HDAC9: variants seen among roughly 807,000 people sequenced by gnomAD.
HDAC9 encodes MEF-2 interacting transcription repressor (MITR) protein.
In HDAC9, 41 loss-of-function variants were observed where a neutral mutation model predicts 139.4. The ratio of observed to expected loss-of-function variants is 0.29; its 90% CI spans 0.23 to 0.38. The LOEUF is 0.38. Among genes scored for constraint, HDAC9 ranks in the 10% least tolerant of loss-of-function variants. HDAC9 has a pLI of 1.00. For synonymous variants in HDAC9, 517 were observed against 476.2 expected, an observed-to-expected ratio of 1.09 and a Z score of -1.12; for missense variants, 1,147 against 1,297.0, an observed-to-expected ratio of 0.88 and a Z score of 1.78.
At chr7:18,729,222 A>G (rs976930190) in intron 13 of HDAC9, among the ~76,000 whole-genome samples, 5 of 152,210 alleles carry the variant, frequency 3.3e-5, no homozygotes, top group African/African-American at 1.2e-4. Flanking sequence ...ATTTCAGAAA[A>G]TACAGAGTAA....
intron 11 of HDAC9, among the ~76,000 whole-genome samples, chr7:18,661,082 G>A (rs765194126): frequency 2.6e-5 from 4 of 152,140 alleles, no homozygotes; most frequent in Non-Finnish European, 5.9e-5. Flanking sequence ...GGGTAGTTTA[G>A]GGTGAAAATG....
At chr7:18,926,323 G>C (rs975554489) in intron 22 of HDAC9, among the ~76,000 whole-genome samples, 5 of 152,122 alleles carry the variant, frequency 3.3e-5, no homozygotes, top group Admixed American at 2.6e-4. Context: ...CTCCAGCCTG[G>C]ATGACAGAGT....
intron 12 of HDAC9, among the ~76,000 whole-genome samples, chr7:18,719,097 G>A (rs1005277757): frequency 1.3e-5 from 2 of 151,810 alleles, no homozygotes; most frequent in African/African-American, 4.8e-5. Flanking sequence ...TTTTAAATTG[G>A]GTTGCCTGTT....
At chr7:18,463,298 C>T (rs923914785) in intron 1 of HDAC9, among the ~76,000 whole-genome samples, 5 of 151,874 alleles carry the variant, frequency 3.3e-5, no homozygotes, top group Admixed American at 6.6e-5. Context: ...TCTGGAAGAA[C>T]GTGGTGTTAT....
At chr7:18,514,296 T>C (rs1256409432) in intron 2 of HDAC9, among the ~76,000 whole-genome samples, 1 of 152,262 alleles carries the variant, frequency 6.6e-6, no homozygotes, top group Non-Finnish European at 1.5e-5. Context: ...AAATTTCTTA[T>C]AGCTTAGAAC....
At chr7:18,668,090 A>G (rs1795326418) in intron 12 of HDAC9, 3 of 961,748 alleles carry the variant, frequency 3.1e-6, no homozygotes, top group Non-Finnish European at 3.7e-6. Flanking sequence ...TGTTGTTTAC[A>G]TTTTGCTGTG....
chr7:18,452,554 T>C (rs1433167238), intron 1 of HDAC9, among the ~76,000 whole-genome samples: 2 of 152,182 alleles, frequency 1.3e-5, no homozygotes, highest in Non-Finnish European at 2.9e-5. Flanking sequence ...TGCATCAATA[T>C]ATAATTGATA....
At chr7:18,910,562 G>A (rs555974211) in intron 22 of HDAC9, among the ~76,000 whole-genome samples, 6 of 152,044 alleles carry the variant, frequency 3.9e-5, no homozygotes, top group South Asian at 4.2e-4. Context: ...GCTCTGACTC[G>A]GACTTCTAGT....
intron 8 of HDAC9, among the ~76,000 whole-genome samples, chr7:18,638,716 C>T (rs1784647018): frequency 1.3e-5 from 2 of 152,092 alleles, no homozygotes; most frequent in Non-Finnish European, 2.9e-5. Context: ...TGTCTTCAAG[C>T]CAGCAGCTCT....
chr7:18,098,139 A>G (rs1355917035), intron 1 of HDAC9, among the ~76,000 whole-genome samples: 1 of 152,240 alleles, frequency 6.6e-6, no homozygotes, highest in Non-Finnish European at 1.5e-5. Flanking sequence ...CCATCATGAC[A>G]AGTTTCACTG....
chr7:18,682,971 ACT>A (rs1781994719), intron 12 of HDAC9, among the ~76,000 whole-genome samples: 2 of 151,794 alleles, frequency 1.3e-5, no homozygotes, highest in Admixed American at 6.6e-5. Context: ...ATAGAGGGAG[ACT>A]CTGCCTCAAC....
chr7:18,266,485 A>G (rs1796011452), intron 2 of HDAC9, among the ~76,000 whole-genome samples: 1 of 152,158 alleles, frequency 6.6e-6, no homozygotes, highest in African/African-American at 2.4e-5. Context: ...ACCTTTCCTC[A>G]GGACAGACAT....
Position 18,505,399 on chromosome 7 carries a change from A to G in HDAC9, c.22+9075A>G, listed in dbSNP as rs185944297. 1.2e-3 allele frequency among the ~76,000 whole-genome samples: 184 copies of G among 152,346 alleles called. 2 individuals are homozygous for G. The highest frequency in any genetic ancestry group is 6.8e-3 in the Middle Eastern group (2 of 294). On this transcript the variant is annotated intron_variant, in intron 2 of 25. Transcript: ENST00000686413. ...GAAATGTAAGGTTAATAAAGCCTAT[A>G]TCACCACTCAAATCCTAATTTCAAC...
At chr7:18,863,553 G>T (rs143696832) in intron 21 of HDAC9, among the ~76,000 whole-genome samples, 1 of 152,164 alleles carries the variant, frequency 6.6e-6, no homozygotes, top group Admixed American at 6.5e-5. Flanking sequence ...AAAAGATTGG[G>T]CACCCCTGTT....
intron 8 of HDAC9, among the ~76,000 whole-genome samples, chr7:18,641,338 T>C (rs1785534186): frequency 6.6e-6 from 1 of 152,098 alleles, no homozygotes; most frequent in Non-Finnish European, 1.5e-5. Flanking sequence ...GCCCATTTCA[T>C]ATCTCATGTC....
chr7:18,264,229 A>T (rs945521158), intron 2 of HDAC9, among the ~76,000 whole-genome samples: 1 of 152,240 alleles, frequency 6.6e-6, no homozygotes, highest in Non-Finnish European at 1.5e-5. Flanking sequence ...TATTCTTCTC[A>T]GTGCTCAAGG....
intron 2 of HDAC9, among the ~76,000 whole-genome samples, chr7:18,272,139 G>A (rs1227147040): frequency 7.2e-5 from 11 of 152,132 alleles, no homozygotes; most frequent in Admixed American, 7.2e-4. Context: ...TATTTCAAAT[G>A]TTTATGTTTT....
At chr7:18,645,413 G>A (rs1337335123) in intron 9 of HDAC9, among the ~76,000 whole-genome samples, 1 of 152,090 alleles carries the variant, frequency 6.6e-6, no homozygotes, top group African/African-American at 2.4e-5. Flanking sequence ...ACTGAAATAG[G>A]CTCTTTCGGG....
chr7:18,943,786 T>A (rs1420819460), intron 23 of HDAC9, among the ~76,000 whole-genome samples: 1 of 152,140 alleles, frequency 6.6e-6, no homozygotes, highest in African/African-American at 2.4e-5. Context: ...GTCTTCCTGT[T>A]ACTCTCATAA....
Sources: allele counts gnomAD v4.1 joint callset (sites outside exome capture counted in the v4.1 genomes callset), GRCh38; gene constraint gnomAD v4.1.1; transcripts MANE v1.5; gene names NCBI Gene and HGNC (gene_info 2026-07-23, HGNC 2026-07-21).